The following IFT88 variants were observed in gnomAD, a reference collection of about 807,000 sequenced individuals.
IFT88 encodes the protein intraflagellar transport 88, also known as intraflagellar transport protein 88 homolog.
In IFT88, 74 loss-of-function variants were observed where a neutral mutation model predicts 119.5. That is an observed-to-expected ratio of 0.62 (90% CI 0.51 to 0.75). The LOEUF (loss-of-function observed/expected upper bound fraction) is 0.75. Ranked by LOEUF, IFT88 falls within the 30% of genes least tolerant of loss-of-function variation. IFT88 has a pLI of 0.00. For synonymous variants in IFT88, 279 were observed against 316.7 expected, an observed-to-expected ratio of 0.88 and a Z score of 1.26; for missense variants, 961 against 977.7, an observed-to-expected ratio of 0.98 and a Z score of 0.23.
intron 7 of IFT88, among the ~76,000 whole-genome samples, chr13:20,592,787 TG>T (rs2138741638): frequency 6.6e-6 from 1 of 152,280 alleles, no homozygotes; most frequent in East Asian, 1.9e-4. Context: ...TACATAATTA[TG>T]TGACTTCCAT....
rs757418161 is a variant in IFT88 at position 20,615,871 on chromosome 13, TTATGA to T, written c.1193_1197del (p.Tyr398LeufsTer17). The T allele has an allele frequency of 6.3e-7, 1 of 1,597,608 alleles. No individual in the cohort carries two copies. Reference sequence around the variant, plus strand: ...TAATTGAAACATCTTTTGCTGCAGGTTATGATTGGTAAGAGAGAAAGTCTATAATA... The same window carrying T: ...TAATTGAAACATCTTTTGCTGCAGGTTTGGTAAGAGAGAAAGTCTATAATA... On this transcript the variant is annotated frameshift_variant, in exon 14 of 26. Transcript: ENST00000351808. LOFTEE classifies it high-confidence loss of function.
chr13:20,578,034 C>CTTTTTTTTT (rs57202566), intron 2 of IFT88, among the ~76,000 whole-genome samples: 4 of 55,872 alleles, frequency 7.2e-5, no homozygotes, highest in African/African-American at 2.6e-4. Flanking sequence ...CTTGTTACTT[C>CTTTTTTTTT]TTTTTTTTTT....
At chr13:20,626,173 G>T (rs2047296292) in intron 15 of IFT88, among the ~76,000 whole-genome samples, 1 of 144,436 alleles carries the variant, frequency 6.9e-6, no homozygotes, top group African/African-American at 2.6e-5. Flanking sequence ...CCATTCTTCT[G>T]CCTCAGCCTC....
chr13:20,681,244 T>C (rs1193057522), intron 24 of IFT88, among the ~76,000 whole-genome samples: 1 of 152,226 alleles, frequency 6.6e-6, no homozygotes, highest in Non-Finnish European at 1.5e-5. Context: ...TTGCAGAAGA[T>C]GCCGTTTAAT....
rs377151918 is a variant in IFT88, at chr13:20,614,187, C to T, written c.1113-1606C>T. ...ACGCCATGACCAAGTAGGATTAATTCGAAGGCTGCAAGGTTGCTTCATTAT... is the reference window on the plus strand; with the variant it reads ...ACGCCATGACCAAGTAGGATTAATTTGAAGGCTGCAAGGTTGCTTCATTAT... On this transcript the variant is annotated intron_variant, in intron 13 of 25. Coordinates refer to ENST00000351808, the MANE Select transcript of IFT88 (RefSeq NM_006531.5). Among the ~76,000 whole-genome samples, 363 of 152,226 alleles carry T rather than the reference C, an allele frequency of 2.4e-3. 1 individual carries two copies. Among genetic ancestry groups the T allele is most frequent in the South Asian group, 0.017 (83 of 4,816 alleles).
Position 20,567,208 on chromosome 13 carries a change from G to C in IFT88, c.-55G>C, listed in dbSNP as rs1331888352. The C allele has an allele frequency of 6.6e-6, 1 of 152,318 alleles. No homozygotes were observed. Among genetic ancestry groups the C allele is most frequent in the African/African-American group, 2.4e-5 (1 of 41,460 alleles). The allele number at this position is 152,318 out of a possible 1,614,324, so 9.4% of individuals were successfully genotyped here. On this transcript the variant is annotated 5_prime_UTR_variant, in exon 1 of 26. Coordinates refer to ENST00000351808, the MANE Select transcript of IFT88 (RefSeq NM_006531.5). ...CGGCGTCGCGCTTTGGCCAACCGCT[G>C]CGTCGTCCCTGGGCCCGAATAACTG... is the stretch of plus-strand genomic sequence containing the variant.
At chr13:20,576,038 C>T (rs1013330941) in intron 2 of IFT88, among the ~76,000 whole-genome samples, 12 of 152,178 alleles carry the variant, frequency 7.9e-5, no homozygotes, top group African/African-American at 1.7e-4. Flanking sequence ...TTTGTTATTA[C>T]CTGTCTTTTG....
At chr13:20,593,576 G>C (rs994696435) in intron 7 of IFT88, among the ~76,000 whole-genome samples, 11 of 150,996 alleles carry the variant, frequency 7.3e-5, no homozygotes, top group Admixed American at 7.3e-4. Flanking sequence ...CCAGTATTTA[G>C]GCTTTCGTGT....
At chr13:20,619,793 C>T (rs573075861) in intron 14 of IFT88, among the ~76,000 whole-genome samples, 1 of 152,088 alleles carries the variant, frequency 6.6e-6, no homozygotes, top group Non-Finnish European at 1.5e-5. Context: ...TTAATAGATA[C>T]CGCTAAACAG....
intron 22 of IFT88, among the ~76,000 whole-genome samples, chr13:20,662,096 A>C (rs1206536992): frequency 6.6e-6 from 1 of 152,188 alleles, no homozygotes; most frequent in Non-Finnish European, 1.5e-5. Flanking sequence ...AGCCAAAATG[A>C]TTAATTCTGG....
At position 20,684,529 on chromosome 13, in the gene IFT88, G is replaced by A. The variant is rs576372260; in HGVS notation, c.2243-6176G>A. Among the ~76,000 whole-genome samples the A allele has an allele frequency of 3.9e-5, 6 of 152,312 alleles. No homozygotes were observed. In the South Asian group the frequency reaches 8.3e-4, roughly 21 times the overall value. On this transcript the variant is annotated intron_variant, in intron 24 of 25. Transcript: ENST00000351808. ...AACAAACCACAATCCACACTGACCA[G>A]AGAGTTACAGGAATATCCTCAGCAC...
chr13:20,621,526 TAAAAAAAAAAAAAAAAAAAAA>T (rs200491393), intron 14 of IFT88, among the ~76,000 whole-genome samples: 2 of 130,766 alleles, frequency 1.5e-5, no homozygotes. Flanking sequence ...CCTGCTGAGA[TAAAAAAAAAAAAAAAAAAAAA>T]AAAAAAAAAA....
At chr13:20,649,778 T>G (rs1388947248) in intron 20 of IFT88, among the ~76,000 whole-genome samples, 1 of 152,072 alleles carries the variant, frequency 6.6e-6, no homozygotes, top group Non-Finnish European at 1.5e-5. Flanking sequence ...AAAAGAGGAC[T>G]TAATTACTAA....
intron 2 of IFT88, among the ~76,000 whole-genome samples, chr13:20,581,943 C>T (rs184382122): frequency 4.0e-5 from 6 of 151,536 alleles, no homozygotes; most frequent in Non-Finnish European, 5.9e-5. Context: ...TATTAGCATC[C>T]TGGTAATATA....
At chr13:20,588,079 T>C (rs141628604) in intron 3 of IFT88, among the ~76,000 whole-genome samples, 2 of 151,964 alleles carry the variant, frequency 1.3e-5, no homozygotes, top group African/African-American at 4.8e-5. Context: ...TATTATTCCA[T>C]TTTCTTTTTC....
chr13:20,615,558 A>G (rs1280988397), intron 13 of IFT88, among the ~76,000 whole-genome samples: 2 of 152,190 alleles, frequency 1.3e-5, no homozygotes, highest in Admixed American at 6.5e-5. Flanking sequence ...TAAAGCAGAA[A>G]AAGAAAAGAA....
At chr13:20,617,244 C>T (rs1300213953) in intron 14 of IFT88, among the ~76,000 whole-genome samples, 1 of 151,978 alleles carries the variant, frequency 6.6e-6, no homozygotes, top group Non-Finnish European at 1.5e-5. Context: ...TAGTGTGTTT[C>T]CTGGGTAGTG....
At chr13:20,687,366 G>A (rs2141287117) in intron 24 of IFT88, among the ~76,000 whole-genome samples, 1 of 152,152 alleles carries the variant, frequency 6.6e-6, no homozygotes, top group South Asian at 2.1e-4. Context: ...AATAGCATAT[G>A]CTTGGAATCT....
intron 1 of IFT88, among the ~76,000 whole-genome samples, chr13:20,568,749 A>T (rs2035519486): frequency 1.3e-5 from 2 of 151,844 alleles, no homozygotes; most frequent in African/African-American, 2.4e-5. Context: ...ACGGAGTCGC[A>T]CGCTCTGTTG....
Sources: gnomAD v4.1 joint callset for allele counts (sites outside exome capture counted in the v4.1 genomes callset) on GRCh38, gnomAD v4.1.1 for gene constraint, MANE v1.5 for transcripts, NCBI Gene and HGNC (gene_info 2026-07-23, HGNC 2026-07-21) for gene names.